DYM: variants seen among roughly 807,000 people sequenced by gnomAD.
The protein encoded by DYM is dymeclin.
DYM carries 78 observed loss-of-function variants against 93.1 expected under a neutral mutation model. The ratio of observed to expected loss-of-function variants is 0.84; its 90% CI spans 0.70 to 1.01. The LOEUF is 1.01. Ranked by LOEUF, DYM falls within the 50% of genes least tolerant of loss-of-function variation. The probability of loss-of-function intolerance (pLI) is 0.00; values close to 1 mark genes in which losing one functional copy is unlikely to be tolerated. For missense variants in DYM, 789 were observed against 845.0 expected, an observed-to-expected ratio of 0.93 and a Z score of 0.82; for synonymous variants, 321 against 319.7, an observed-to-expected ratio of 1.00 and a Z score of -0.04.
In DYM at chr18:49,203,989, C is replaced by G. The variant is rs1173099972; in HGVS notation, c.1625+5562G>C. 3.4e-5 allele frequency among the ~76,000 whole-genome samples: 5 copies of G among 148,078 alleles called. No individual in the cohort carries two copies. In the East Asian group the frequency reaches 6.2e-4, roughly 19 times the overall value. ...GTAAACTTCCATTTGCTTCTTTAAG[C>G]CACTATTATTTGGGCAGGGGAGTCT... is the stretch of plus-strand genomic sequence containing the variant. On this transcript the variant is annotated intron_variant, in intron 14 of 17. Transcript: ENST00000675505.
chr18:49,084,016 C>T (rs1568393623), intron 17 of DYM, among the ~76,000 whole-genome samples: 1 of 151,734 alleles, frequency 6.6e-6, no homozygotes, highest in East Asian at 1.9e-4. Flanking sequence ...TGATTTCTGC[C>T]CTTTTGCTTA....
chr18:49,071,714 G>A (rs1237270797), intron 17 of DYM, among the ~76,000 whole-genome samples: 6 of 152,250 alleles, frequency 3.9e-5, no homozygotes, highest in East Asian at 3.9e-4. Context: ...ATGTGAAGCC[G>A]CTCCAAAGGG....
chr18:49,242,848 C>T (rs1449793647), intron 13 of DYM, among the ~76,000 whole-genome samples: 9 of 152,072 alleles, frequency 5.9e-5, no homozygotes, highest in African/African-American at 2.2e-4. Flanking sequence ...TACAGGCGCC[C>T]GCCACCACGC....
chr18:49,298,660 A>T (rs1249414762), intron 8 of DYM, among the ~76,000 whole-genome samples: 1 of 151,870 alleles, frequency 6.6e-6, no homozygotes, highest in Non-Finnish European at 1.5e-5. Flanking sequence ...AGTTTTTTTT[A>T]AGTTTAATTC....
chr18:49,382,422 A>T (rs1007494513), intron 3 of DYM, among the ~76,000 whole-genome samples: 1 of 152,252 alleles, frequency 6.6e-6, no homozygotes, highest in Non-Finnish European at 1.5e-5. Context: ...AAATACACTC[A>T]ATGATTTTAA....
At chr18:49,065,205 G>A (rs1465351089) in intron 17 of DYM, among the ~76,000 whole-genome samples, 1 of 151,928 alleles carries the variant, frequency 6.6e-6, no homozygotes. Flanking sequence ...AGAAGGCTTG[G>A]GTCTTGATTT....
chr18:49,202,551 C>T (rs575286830), intron 14 of DYM, among the ~76,000 whole-genome samples: 29 of 129,784 alleles, frequency 2.2e-4, no homozygotes, highest in Admixed American at 1.6e-3. Flanking sequence ...AAGTGAGGAG[C>T]GCCTCTTCCC....
At chr18:49,405,997 G>C (rs1193611788) in intron 2 of DYM, among the ~76,000 whole-genome samples, 2 of 152,016 alleles carry the variant, frequency 1.3e-5, no homozygotes, top group Non-Finnish European at 2.9e-5. Flanking sequence ...GTTGTTAATG[G>C]GTTTGCATTC....
chr18:49,290,367 T>TA (rs138235879), intron 8 of DYM, among the ~76,000 whole-genome samples: 2,428 of 148,626 alleles, frequency 0.016, 60 homozygotes, highest in African/African-American at 0.055. Flanking sequence ...TGTACATATT[T>TA]AAAAAAAAAA....
At chr18:49,258,251 TATACAGTGACC>T in intron 12 of DYM, 118 bp downstream of exon 12, 1 of 705,710 alleles carries the variant, frequency 1.4e-6, no homozygotes, top group South Asian at 1.6e-5. Flanking sequence ...ATACAGTGAC[TATACAGTGACC>T]GGTATTTTCT....
chr18:49,240,338 A>T (rs1029881163), intron 13 of DYM, among the ~76,000 whole-genome samples: 1 of 152,276 alleles, frequency 6.6e-6, no homozygotes, highest in South Asian at 2.1e-4. Flanking sequence ...TATGTCAGTT[A>T]TACTGACAGA....
At chr18:49,217,810 G>A (rs1374466796) in intron 13 of DYM, among the ~76,000 whole-genome samples, 4 of 152,182 alleles carry the variant, frequency 2.6e-5, no homozygotes, top group African/African-American at 9.6e-5. Context: ...ATGCCAAATT[G>A]TAAAGACCGT....
At chr18:49,207,828 T>G (rs2063511470) in intron 14 of DYM, among the ~76,000 whole-genome samples, 1 of 142,122 alleles carries the variant, frequency 7.0e-6, no homozygotes, top group South Asian at 2.2e-4. Context: ...TCTCTCTCTC[T>G]CCACTTACAT....
intron 2 of DYM, among the ~76,000 whole-genome samples, chr18:49,427,433 T>C (rs2074393417): frequency 6.6e-6 from 1 of 152,202 alleles, no homozygotes; most frequent in East Asian, 1.9e-4. Flanking sequence ...AAGTGCAACG[T>C]ATGCACCTTA....
At position 49,127,885 on chromosome 18, in the gene DYM, T is replaced by C. The variant is rs545172283; in HGVS notation, c.1729-8959A>G. The stretch of plus-strand genomic sequence containing the variant: ...ACAATGGGTAACCTTAATAAAGCAG[T>C]GGGAGGGGGAGGCGGTGAGCAGACA... On this transcript the variant is annotated intron_variant, in intron 15 of 17. Coordinates refer to ENST00000675505, the MANE Select transcript of DYM (RefSeq NM_001353214.3). Among the ~76,000 whole-genome samples, 11 of 152,174 alleles carry C rather than the reference T, an allele frequency of 7.2e-5. No homozygotes were observed. The South Asian group carries it at 2.1e-3, about 29-fold the overall frequency.
intron 1 of DYM, among the ~76,000 whole-genome samples, chr18:49,445,307 C>G (rs962578600): frequency 6.6e-6 from 1 of 152,054 alleles, no homozygotes; most frequent in Non-Finnish European, 1.5e-5. Flanking sequence ...GTAACTTGCC[C>G]AAGATTATAG....
chr18:49,145,524 C>T (rs978067243), intron 15 of DYM, among the ~76,000 whole-genome samples: 3 of 151,970 alleles, frequency 2.0e-5, no homozygotes, highest in African/African-American at 7.3e-5. Flanking sequence ...TCACTTTTAC[C>T]CAATTTCTTC....
At chr18:49,421,435 T>G (rs1422170832) in intron 2 of DYM, among the ~76,000 whole-genome samples, 1 of 151,998 alleles carries the variant, frequency 6.6e-6, no homozygotes, top group African/African-American at 2.4e-5. Flanking sequence ...CAGCTGAGGG[T>G]CCTGACTGTT....
intron 14 of DYM, among the ~76,000 whole-genome samples, chr18:49,169,111 G>T (rs2088309123): frequency 6.6e-6 from 1 of 152,146 alleles, no homozygotes; most frequent in East Asian, 1.9e-4. Context: ...CCTAGTATGT[G>T]CCAGGCAATG....
Sources: allele counts gnomAD v4.1 joint callset (sites outside exome capture counted in the v4.1 genomes callset), GRCh38; gene constraint gnomAD v4.1.1; transcripts MANE v1.5; gene names NCBI Gene and HGNC (gene_info 2026-07-23, HGNC 2026-07-21).